The following PTPRA variants were observed in gnomAD, a reference collection of about 807,000 sequenced individuals.
The protein encoded by PTPRA is receptor-type tyrosine-protein phosphatase alpha.
Under a neutral mutation model 104.8 loss-of-function variants are expected in PTPRA, and 25 were observed. The ratio of observed to expected loss-of-function variants is 0.24; its 90% confidence interval spans 0.17 to 0.33. The LOEUF (loss-of-function observed/expected upper bound fraction) is 0.33. Ranked by LOEUF, PTPRA falls within the 10% of genes least tolerant of loss-of-function variation. PTPRA has a pLI of 1.00. For synonymous variants in PTPRA, 323 were observed against 368.9 expected (o/e 0.88, Z 1.43); for missense variants, 765 against 1,015.3 (o/e 0.75, Z 3.35).
intron 9 of PTPRA, among the ~76,000 whole-genome samples, chr20:2,995,383 G>A (rs749751845): frequency 6.6e-6 from 1 of 152,118 alleles, no homozygotes; most frequent in Non-Finnish European, 1.5e-5. Flanking sequence ...CTCCCAGAGT[G>A]CTGGGATTAC....
chr20:2,969,817 A>G (rs933551327), intron 5 of PTPRA, among the ~76,000 whole-genome samples: 2 of 151,832 alleles, frequency 1.3e-5, no homozygotes, highest in Admixed American at 1.3e-4. Flanking sequence ...AATACAAAAA[A>G]AAATTAGCTG....
At chr20:2,895,585 T>C (rs2058967545) in intron 1 of PTPRA, among the ~76,000 whole-genome samples, 1 of 152,182 alleles carries the variant, frequency 6.6e-6, no homozygotes, top group South Asian at 2.1e-4. Context: ...GGCACGATCC[T>C]GGCTCACTGC....
At chr20:2,992,409 C>T (rs951701380) in intron 9 of PTPRA, among the ~76,000 whole-genome samples, 5 of 152,092 alleles carry the variant, frequency 3.3e-5, no homozygotes, top group South Asian at 2.1e-4. Flanking sequence ...CCCAGCTACT[C>T]GGGAGGTTGA....
intron 11 of PTPRA, among the ~76,000 whole-genome samples, chr20:3,015,561 C>G (rs1421136086): frequency 6.6e-6 from 1 of 152,146 alleles, no homozygotes; most frequent in Non-Finnish European, 1.5e-5. Flanking sequence ...CCACCTTGGC[C>G]TCTCAAAGTT....
chr20:2,991,236 G>A (rs6051514), intron 9 of PTPRA, among the ~76,000 whole-genome samples: 3,401 of 152,140 alleles, frequency 0.022, 100 homozygotes, highest in African/African-American at 0.065. Context: ...GCACGTGCCT[G>A]TAATCCCAGC....
intron 2 of PTPRA, among the ~76,000 whole-genome samples, chr20:2,944,705 T>C (rs1005635732): frequency 6.6e-6 from 1 of 152,240 alleles, no homozygotes; most frequent in African/African-American, 2.4e-5. Flanking sequence ...GGATGGGATT[T>C]TACGTAGCCA....
chr20:2,907,757 CATCT>C (rs1029640074), intron 1 of PTPRA, among the ~76,000 whole-genome samples: 1 of 151,988 alleles, frequency 6.6e-6, no homozygotes, highest in African/African-American at 2.4e-5. Context: ...AGTGTTGTAA[CATCT>C]ATCAAACTCA....
intron 2 of PTPRA, among the ~76,000 whole-genome samples, chr20:2,932,530 A>G (rs1937819223): frequency 6.6e-6 from 1 of 152,196 alleles, no homozygotes; most frequent in South Asian, 2.1e-4. Context: ...CTCAAATGGG[A>G]TCAAGAACAT....
At chr20:2,958,206 A>G (rs554266640) in intron 3 of PTPRA, among the ~76,000 whole-genome samples, 11 of 152,268 alleles carry the variant, frequency 7.2e-5, no homozygotes, top group Non-Finnish European at 1.2e-4. Context: ...GGTAGACATA[A>G]CAGAGAGAAC....
chr20:2,909,595 C>T (rs116025329), intron 1 of PTPRA, among the ~76,000 whole-genome samples: 2,858 of 151,388 alleles, frequency 0.019, 93 homozygotes, highest in African/African-American at 0.064. Flanking sequence ...AAAACCAAAA[C>T]AAAACAAACG....
At chr20:2,934,277 A>G (rs2060611316) in intron 2 of PTPRA, among the ~76,000 whole-genome samples, 1 of 151,904 alleles carries the variant, frequency 6.6e-6, no homozygotes. Flanking sequence ...TAATTTTTGC[A>G]TTTTTTTGTA....
chr20:3,030,656 T>C (rs114043010), intron 20 of PTPRA, among the ~76,000 whole-genome samples: 1,903 of 151,322 alleles, frequency 0.013, 38 homozygotes, highest in African/African-American at 0.042. Flanking sequence ...GAATTAAAAA[T>C]TTTTAATTAT....
intron 2 of PTPRA, among the ~76,000 whole-genome samples, chr20:2,929,366 A>G (rs1372703977): frequency 6.6e-6 from 1 of 151,870 alleles, no homozygotes. Context: ...TGTTCTTTGT[A>G]TTTCTTCAGT....
chr20:2,975,211 A>G lies in PTPRA; in HGVS notation c.416-4A>G, dbSNP rs1345878180. On this transcript the variant is annotated splice_polypyrimidine_tract_variant and splice_region_variant and intron_variant, in intron 5 of 23. Transcript: ENST00000399903. ...AATGTTTCTATTTTTTACTTATTAC[A>G]CAGGTAATTCTGACTCGAAGGACAG... The G allele has an allele frequency of 6.3e-7, 1 of 1,590,838 alleles. No individual in the cohort carries two copies. The highest frequency in any genetic ancestry group is 1.1e-5 in the South Asian group (1 of 89,642).
At chr20:2,866,605 G>T in the PTPRA span, 13 of 1,611,696 alleles carry the variant, frequency 8.1e-6, no homozygotes, top group Admixed American at 1.5e-4. Context: ...CAAGCAAGGG[G>T]TTCCTCCCCT....
chr20:2,929,670 C>G (rs560368754), intron 2 of PTPRA, among the ~76,000 whole-genome samples: 1 of 151,854 alleles, frequency 6.6e-6, no homozygotes. Flanking sequence ...ACAAAAAATG[C>G]ACAAATTACC....
In PTPRA at chr20:3,035,797, A is replaced by G; in HGVS notation, c.2054A>G (p.Lys685Arg). The change falls in exon 22 of 24, where the codon AAG becomes AGG. Residue 685 changes from lysine (K) to arginine (R), a missense_variant. Physicochemically the swap from Lys to Arg is conservative, Grantham distance 26 (BLOSUM62 2). This residue lies in a region of PTPRA where 192 missense variants were observed against 227.0 expected (regional missense o/e 0.85). Coordinates refer to ENST00000399903, the MANE Select transcript of PTPRA (RefSeq NM_001385305.1). This position sits in a 1 kb window ranked among gnomAD's most constrained non-coding sequence, Gnocchi z 5.8. ...DLLVTNTREN[K>R]SRQIRQFHFH... The stretch of plus-strand genomic sequence containing the variant: ...ATCCCCTTTTTTCCAAAGGAGAATA[A>G]GAGCCGGCAGATCCGGCAGTTCCAC... The G allele has an allele frequency of 6.2e-7, 1 of 1,614,206 alleles. No homozygotes were observed. The highest frequency in any genetic ancestry group is 8.5e-7 in the Non-Finnish European group (1 of 1,180,026).
At chr20:2,888,490 T>C (rs1288468636) in intron 1 of PTPRA, among the ~76,000 whole-genome samples, 3 of 150,974 alleles carry the variant, frequency 2.0e-5, no homozygotes, top group Non-Finnish European at 4.4e-5. Flanking sequence ...GCCCAGGAGA[T>C]CAAGGCTGCA....
At chr20:3,018,062 C>CT (rs2064557229) in intron 13 of PTPRA, 149 bp downstream of exon 13, 5 of 681,906 alleles carry the variant, frequency 7.3e-6, no homozygotes. Context: ...TTGCTATGGC[C>CT]TGGAAGCCCC....
Sources: allele counts gnomAD v4.1 joint callset (sites outside exome capture counted in the v4.1 genomes callset), GRCh38; gene constraint gnomAD v4.1.1; regional missense constraint gnomAD v4.1.1; non-coding constraint Gnocchi (gnomAD v3.1); transcripts MANE v1.5; gene names NCBI Gene and HGNC (gene_info 2026-07-23, HGNC 2026-07-21).